PEPD: variants seen among roughly 807,000 people sequenced by gnomAD.
PEPD encodes xaa-Pro dipeptidase.
PEPD carries 53 observed loss-of-function variants against 60.7 expected under a neutral mutation model. That is an observed-to-expected ratio of 0.87 (90% CI 0.70 to 1.10). The LOEUF is 1.10. PEPD is among the 50% of genes least tolerant of loss of function. The pLI is 0.00. For missense variants in PEPD, 711 were observed against 711.9 expected (o/e 1.00, Z 0.01); for synonymous variants, 267 against 284.1 (o/e 0.94, Z 0.60).
chr19:33,431,188 G>A (rs547642849), intron 9 of PEPD, among the ~76,000 whole-genome samples: 17 of 144,842 alleles, frequency 1.2e-4, no homozygotes, highest in African/African-American at 3.6e-4. Flanking sequence ...GGAAGGGAGG[G>A]AGGGAGGGAG....
chr19:33,509,996 G>A (rs184775452), intron 3 of PEPD, among the ~76,000 whole-genome samples: 1 of 152,196 alleles, frequency 6.6e-6, no homozygotes, highest in African/African-American at 2.4e-5. Flanking sequence ...GCATATCAGC[G>A]ATGGGCCTCA....
chr19:33,418,186 G>A (rs904830953), intron 9 of PEPD, among the ~76,000 whole-genome samples: 11 of 152,202 alleles, frequency 7.2e-5, no homozygotes, highest in African/African-American at 1.9e-4. Context: ...GTGTATAGTC[G>A]TCTCAGCACT....
chr19:33,407,776 A>C (rs1600090790), intron 11 of PEPD, among the ~76,000 whole-genome samples: 1 of 151,766 alleles, frequency 6.6e-6, no homozygotes, highest in Non-Finnish European at 1.5e-5. Context: ...CAACAGCAAA[A>C]CCCCCGGAGG....
chr19:33,480,091 CTTT>C (rs1038411568), intron 6 of PEPD, among the ~76,000 whole-genome samples: 3 of 152,142 alleles, frequency 2.0e-5, no homozygotes, highest in Non-Finnish European at 4.4e-5. Flanking sequence ...TACTTTTTGA[CTTT>C]TTAATAAAAG....
At chr19:33,511,641 A>G (rs553817382) in intron 2 of PEPD, 55 of 231,444 alleles carry the variant, frequency 2.4e-4, no homozygotes, top group African/African-American at 1.2e-3. Flanking sequence ...CTGCGCTAAA[A>G]GGACGTCATA....
chr19:33,479,943 T>G (rs775687443), intron 6 of PEPD, among the ~76,000 whole-genome samples: 1 of 152,200 alleles, frequency 6.6e-6, no homozygotes, highest in Non-Finnish European at 1.5e-5. Flanking sequence ...AGTAACGGGA[T>G]TGCTGGGTTG....
chr19:33,519,836 C>T (rs902170117), intron 1 of PEPD, among the ~76,000 whole-genome samples: 1 of 152,058 alleles, frequency 6.6e-6, no homozygotes, highest in African/African-American at 2.4e-5. Flanking sequence ...GAGGCGGAGG[C>T]GGGTGGATCA....
intron 8 of PEPD, among the ~76,000 whole-genome samples, chr19:33,463,365 G>A (rs1033138132): frequency 6.6e-5 from 10 of 152,210 alleles, no homozygotes; most frequent in Non-Finnish European, 1.0e-4. Flanking sequence ...TTAATGCCAC[G>A]AAAGCTATGA....
At chr19:33,444,639 C>A (rs1223522459) in intron 9 of PEPD, among the ~76,000 whole-genome samples, 2 of 150,582 alleles carry the variant, frequency 1.3e-5, no homozygotes, top group Admixed American at 6.6e-5. Flanking sequence ...TACCAGTCTG[C>A]CCCCATGGTA....
In PEPD at chr19:33,493,250, G is replaced by A. The variant is rs377413946; in HGVS notation, c.441+40C>T. On this transcript the variant is annotated intron_variant, in intron 5 of 14. Coordinates refer to ENST00000244137, the MANE Select transcript of PEPD (RefSeq NM_000285.4). The stretch of plus-strand genomic sequence containing the variant: ...GTGGCCCCCATAAAAACCCTCCCCA[G>A]AGCCAAGCACTGCCCCACCCCTGGA... 4.0e-6 allele frequency: 6 copies of A among 1,497,478 alleles called. No homozygotes were observed. The African/African-American group carries it at 5.5e-5, about 14-fold the overall frequency. 92.8% of individuals were successfully genotyped at this position (1,497,478 alleles called of 1,614,324 possible).
chr19:33,394,800 C>G (rs1968324535), intron 12 of PEPD, among the ~76,000 whole-genome samples: 1 of 152,202 alleles, frequency 6.6e-6, no homozygotes. Context: ...GAGAATCACA[C>G]AGCAGAAATT....
chr19:33,468,181 CAG>C (rs1437199881), intron 7 of PEPD, among the ~76,000 whole-genome samples: 1 of 152,178 alleles, frequency 6.6e-6, no homozygotes, highest in Non-Finnish European at 1.5e-5. Context: ...CTGCACAAGG[CAG>C]AGAGTTCCCG....
At chr19:33,451,423 T>C (rs1314217286) in intron 9 of PEPD, among the ~76,000 whole-genome samples, 1 of 152,234 alleles carries the variant, frequency 6.6e-6, no homozygotes, top group Non-Finnish European at 1.5e-5. Flanking sequence ...GGTCTTTTTT[T>C]CTTGATTTAA....
intron 12 of PEPD, among the ~76,000 whole-genome samples, chr19:33,392,807 G>C (rs952221958): frequency 2.6e-5 from 4 of 152,188 alleles, no homozygotes; most frequent in Admixed American, 1.3e-4. Flanking sequence ...GTGGCTGGCG[G>C]AGGGCAGATG....
intron 7 of PEPD, among the ~76,000 whole-genome samples, chr19:33,475,160 C>CT (rs1339103096): frequency 6.6e-6 from 1 of 152,098 alleles, no homozygotes; most frequent in African/African-American, 2.4e-5. Context: ...AGTCAAGTGA[C>CT]TTCCTGAGCA....
chr19:33,511,075 G>A lies in PEPD; in HGVS notation c.282C>T (p.Thr94=). 3 of 1,613,954 alleles carry A rather than the reference G, an allele frequency of 1.9e-6. No individual in the cohort carries two copies. Among genetic ancestry groups the A allele is most frequent in the Non-Finnish European group, 1.7e-6 (2 of 1,179,936 alleles). Residue 94 remains threonine (T), a synonymous_variant, in exon 3 of 15, where the codon ACC becomes ACT. Transcript: ENST00000244137. ...GVIDVDTGKS[T]LFVPRLPASH... ...TGGCAGGAAGCCTGGGCACAAACAG[G>A]GTCGACTTCCCAGTGTCAACATCGA... is the stretch of plus-strand genomic sequence containing the variant.
Position 33,486,186 on chromosome 19 carries a change from C to T in PEPD, c.503+3810G>A, listed in dbSNP as rs111266244. On this transcript the variant is annotated intron_variant, in intron 6 of 14. Transcript: ENST00000244137. The stretch of plus-strand genomic sequence containing the variant: ...GTTCCAGGGAGCCTATCTTGCCATC[C>T]GCAGGAAGAAGTCTCAAGTCTCTTG... Among the ~76,000 whole-genome samples the T allele has an allele frequency of 9.8e-3, 1,494 of 152,182 alleles. 29 individuals carry two copies. The highest frequency in any genetic ancestry group is 0.034 in the African/African-American group (1,417 of 41,482).
intron 3 of PEPD, among the ~76,000 whole-genome samples, chr19:33,510,164 T>C (rs1255968811): frequency 6.6e-6 from 1 of 152,226 alleles, no homozygotes; most frequent in Non-Finnish European, 1.5e-5. Context: ...ATTAACAAAC[T>C]GCACTTCTAA....
intron 7 of PEPD, among the ~76,000 whole-genome samples, chr19:33,475,866 C>CT (rs1970204959): frequency 6.6e-6 from 1 of 152,038 alleles, no homozygotes; most frequent in Admixed American, 6.5e-5. Context: ...GCATTTGTTA[C>CT]TTTATTTTTT....
Sources: gnomAD v4.1 joint callset for allele counts (sites outside exome capture counted in the v4.1 genomes callset) on GRCh38, gnomAD v4.1.1 for gene constraint, MANE v1.5 for transcripts, NCBI Gene and HGNC (gene_info 2026-07-23, HGNC 2026-07-21) for gene names.